ATRNL1: variants seen among roughly 807,000 people sequenced by gnomAD.
ATRNL1 encodes the protein attractin-like protein 1.
Under a neutral mutation model 182.7 loss-of-function variants are expected in ATRNL1, and 95 were observed. That is an observed-to-expected ratio of 0.52 (90% CI 0.44 to 0.62). The LOEUF is 0.62. Among genes scored for constraint, ATRNL1 ranks in the 20% least tolerant of loss-of-function variants. The pLI is 0.00. For synonymous variants in ATRNL1, 576 were observed against 568.3 expected (o/e 1.01, Z -0.19); for missense variants, 1,471 against 1,679.5 (o/e 0.88, Z 2.17).
intron 28 of ATRNL1, among the ~76,000 whole-genome samples, chr10:115,858,094 T>C (rs879997821): frequency 2.0e-5 from 3 of 152,158 alleles, no homozygotes; most frequent in Admixed American, 2.0e-4. Context: ...TGGGTGTGAA[T>C]ACAATGTTAT....
chr10:115,882,213 A>G (rs1317342813), intron 28 of ATRNL1, among the ~76,000 whole-genome samples: 4 of 152,224 alleles, frequency 2.6e-5, no homozygotes, highest in African/African-American at 9.6e-5. Context: ...AAGGCCTTGA[A>G]TAAACACTGA....
intron 8 of ATRNL1, among the ~76,000 whole-genome samples, chr10:115,179,942 T>C (rs1554887590): frequency 6.6e-6 from 1 of 152,130 alleles, no homozygotes; most frequent in Non-Finnish European, 1.5e-5. Context: ...CTTATTTATG[T>C]ATTTCTTCTT....
At chr10:115,884,663 G>T (rs1380514347) in intron 28 of ATRNL1, among the ~76,000 whole-genome samples, 1 of 152,092 alleles carries the variant, frequency 6.6e-6, no homozygotes, top group Non-Finnish European at 1.5e-5. Flanking sequence ...ATATTTAAAT[G>T]CAAAAAAACT....
chr10:115,820,810 A>G (rs1229778899), intron 27 of ATRNL1, among the ~76,000 whole-genome samples: 2 of 152,054 alleles, frequency 1.3e-5, no homozygotes, highest in Non-Finnish European at 2.9e-5. Flanking sequence ...TCCTCATTTT[A>G]TAATGGGTAG....
chr10:115,651,951 A>G (rs1052132269), intron 26 of ATRNL1, among the ~76,000 whole-genome samples: 1 of 152,108 alleles, frequency 6.6e-6, no homozygotes, highest in Non-Finnish European at 1.5e-5. Flanking sequence ...TTAGTTAACT[A>G]TTATAATAAT....
chr10:115,709,718 C>T (rs1250941728), intron 26 of ATRNL1, among the ~76,000 whole-genome samples: 3 of 151,912 alleles, frequency 2.0e-5, no homozygotes, highest in African/African-American at 4.8e-5. Flanking sequence ...TAGAATTGTA[C>T]AATAAAAGAA....
At chr10:115,336,202 T>G (rs569101556) in intron 19 of ATRNL1, among the ~76,000 whole-genome samples, 1 of 152,278 alleles carries the variant, frequency 6.6e-6, no homozygotes, top group African/African-American at 2.4e-5. Context: ...AATGTCTCAT[T>G]CCTAAACCTC....
intron 26 of ATRNL1, among the ~76,000 whole-genome samples, chr10:115,584,846 G>A (rs1446444525): frequency 5.9e-5 from 9 of 151,462 alleles, no homozygotes; most frequent in Non-Finnish European, 1.2e-4. Flanking sequence ...ATGTTAGGGT[G>A]TCAATTTTGG....
chr10:115,463,339 A>G (rs1554970200), intron 22 of ATRNL1, among the ~76,000 whole-genome samples: 1 of 151,974 alleles, frequency 6.6e-6, no homozygotes, highest in African/African-American at 2.4e-5. Flanking sequence ...ATACATTTAA[A>G]GTTTTGACTT....
At chr10:115,860,237 T>C (rs1951282867) in intron 28 of ATRNL1, among the ~76,000 whole-genome samples, 1 of 152,166 alleles carries the variant, frequency 6.6e-6, no homozygotes, top group Admixed American at 6.5e-5. Context: ...TCTGATATAA[T>C]TTGAATTGAA....
At chr10:115,927,304 T>A (rs1555120557) in intron 28 of ATRNL1, among the ~76,000 whole-genome samples, 1 of 152,080 alleles carries the variant, frequency 6.6e-6, no homozygotes. Flanking sequence ...CAATATCATA[T>A]TGAATGGGCA....
chr10:115,324,286 A>T (rs917634839), intron 18 of ATRNL1, among the ~76,000 whole-genome samples: 1 of 151,926 alleles, frequency 6.6e-6, no homozygotes, highest in East Asian at 1.9e-4. Context: ...TCAAAATACA[A>T]CTCTACCCAG....
At chr10:115,354,371 C>T (rs904974813) in intron 19 of ATRNL1, among the ~76,000 whole-genome samples, 4 of 151,942 alleles carry the variant, frequency 2.6e-5, no homozygotes, top group Non-Finnish European at 4.4e-5. Flanking sequence ...CTTCAGCATT[C>T]ATCTGGTGAT....
At chr10:115,843,787 A>G (rs1026294549) in intron 27 of ATRNL1, among the ~76,000 whole-genome samples, 1 of 152,102 alleles carries the variant, frequency 6.6e-6, no homozygotes, top group Non-Finnish European at 1.5e-5. Context: ...CTTTCTAGTT[A>G]GTACCCACTA....
Position 115,215,842 on chromosome 10 carries a change from T to C in ATRNL1, c.1494T>C (p.Val498=). The C allele has an allele frequency of 1.3e-6, 2 of 1,585,674 alleles. No homozygotes were observed. Among genetic ancestry groups the C allele is most frequent in the Non-Finnish European group, 1.7e-6 (2 of 1,170,500 alleles). The change falls in exon 9 of 29, where the codon GTT becomes GTC. Residue 498 remains valine, a synonymous_variant. Coordinates refer to ENST00000355044, the MANE Select transcript of ATRNL1 (RefSeq NM_207303.4). ...KALPGNKYGL[V]DDLYKYEVNT... is the part of the protein sequence containing the mutation. ...TGCCAGGGAACAAATATGGATTGGT[T>C]GATGATCTTTATAAATATGAAGTTA...
chr10:115,642,725 C>T (rs1859334285), intron 26 of ATRNL1, among the ~76,000 whole-genome samples: 2 of 152,104 alleles, frequency 1.3e-5, no homozygotes, highest in Admixed American at 1.3e-4. Context: ...GATTACAGGC[C>T]TGAACCACTG....
chr10:115,854,747 AG>A (rs782287605), intron 28 of ATRNL1, among the ~76,000 whole-genome samples: 4 of 152,220 alleles, frequency 2.6e-5, no homozygotes, highest in Non-Finnish European at 5.9e-5. Flanking sequence ...CCTTCAAATT[AG>A]CCTGTCTTCT....
intron 28 of ATRNL1, among the ~76,000 whole-genome samples, chr10:115,914,750 G>A (rs1224215318): frequency 6.6e-6 from 1 of 152,200 alleles, no homozygotes. Context: ...CAACTGTTAG[G>A]AAGTGAGATA....
chr10:115,401,705 C>T (rs1291570253), intron 20 of ATRNL1, among the ~76,000 whole-genome samples: 1 of 152,014 alleles, frequency 6.6e-6, no homozygotes, highest in Non-Finnish European at 1.5e-5. Context: ...TATATCATGT[C>T]TTAGGAAACG....
Sources: allele counts gnomAD v4.1 joint callset (sites outside exome capture counted in the v4.1 genomes callset), GRCh38; gene constraint gnomAD v4.1.1; transcripts MANE v1.5; gene names NCBI Gene and HGNC (gene_info 2026-07-23, HGNC 2026-07-21).